Variants in STK39 observed in about 807,000 individuals in gnomAD.
STK39 encodes the protein serine/threonine kinase 39.
In STK39, 20 loss-of-function variants were observed where a neutral mutation model predicts 77.8. The ratio of observed to expected loss-of-function variants is 0.26; its 90% CI spans 0.18 to 0.37. The LOEUF (loss-of-function observed/expected upper bound fraction) is 0.37, where lower values mean the gene tolerates loss of function less well. STK39 is among the 10% of genes least tolerant of loss of function. STK39 has a pLI of 1.00. For synonymous variants in STK39, 246 were observed against 234.1 expected, an observed-to-expected ratio of 1.05 and a Z score of -0.47; for missense variants, 479 against 656.5, an observed-to-expected ratio of 0.73 and a Z score of 2.95.
At chr2:168,207,299 A>C (rs149774478) in intron 1 of STK39, among the ~76,000 whole-genome samples, 8 of 152,300 alleles carry the variant, frequency 5.3e-5, no homozygotes, top group Non-Finnish European at 7.3e-5. Flanking sequence ...ACATACACAC[A>C]CCCTAACGAG....
At chr2:168,091,306 C>T (rs1286174208) in intron 10 of STK39, among the ~76,000 whole-genome samples, 1 of 152,168 alleles carries the variant, frequency 6.6e-6, no homozygotes, top group South Asian at 2.1e-4. Flanking sequence ...CAGAAACATG[C>T]CTCACATTTA....
chr2:168,116,202 C>T (rs1013415705), intron 10 of STK39, among the ~76,000 whole-genome samples: 2 of 152,180 alleles, frequency 1.3e-5, no homozygotes, highest in South Asian at 2.1e-4. Flanking sequence ...AAGCCCACCC[C>T]TCACCCAAAA....
At chr2:168,196,549 G>A (rs1035647356) in intron 1 of STK39, among the ~76,000 whole-genome samples, 8 of 151,944 alleles carry the variant, frequency 5.3e-5, no homozygotes, top group Admixed American at 3.9e-4. Flanking sequence ...CCAGCTACTC[G>A]GGAGGCTGAG....
At chr2:168,089,252 A>G (rs1324044152) in intron 10 of STK39, among the ~76,000 whole-genome samples, 1 of 152,242 alleles carries the variant, frequency 6.6e-6, no homozygotes, top group Non-Finnish European at 1.5e-5. Flanking sequence ...TGGAAAAGCA[A>G]CATTCTCCCT....
chr2:168,089,366 T>C (rs1307958522), intron 10 of STK39, among the ~76,000 whole-genome samples: 1 of 152,210 alleles, frequency 6.6e-6, no homozygotes, highest in Non-Finnish European at 1.5e-5. Context: ...ACATACTTCT[T>C]TTAAAAAACA....
intron 10 of STK39, among the ~76,000 whole-genome samples, chr2:168,095,627 T>C (rs1372960617): frequency 6.8e-6 from 1 of 146,640 alleles, no homozygotes; most frequent in African/African-American, 2.5e-5. Context: ...CTCTTTCTTT[T>C]TTTTTTTTTT....
intron 10 of STK39, among the ~76,000 whole-genome samples, chr2:168,119,910 A>C (rs1687360871): frequency 6.6e-6 from 1 of 152,192 alleles, no homozygotes; most frequent in South Asian, 2.1e-4. Context: ...AAATGGTAAC[A>C]AACTGGGATA....
rs188148826 is a variant in STK39, at chr2:168,105,045, C to T, written c.1089+24496G>A. On this transcript the variant is annotated intron_variant, in intron 10 of 17. Transcript: ENST00000355999. ...AGACAAAGAACTGCACAGTACATTA[C>T]CTTTTGGAGTTAAAATGAATAAATA... 1.1e-3 allele frequency among the ~76,000 whole-genome samples: 165 copies of T among 152,264 alleles called. 1 individual carries two copies. Among genetic ancestry groups the T allele is most frequent in the African/African-American group, 3.7e-3 (152 of 41,552 alleles).
chr2:168,092,222 C>T (rs2105435633), intron 10 of STK39, among the ~76,000 whole-genome samples: 1 of 152,318 alleles, frequency 6.6e-6, no homozygotes, highest in South Asian at 2.1e-4. Flanking sequence ...AGGGATCAGA[C>T]ACCTGTTCCT....
intron 10 of STK39, among the ~76,000 whole-genome samples, chr2:168,112,223 C>T (rs1232004952): frequency 5.9e-5 from 9 of 152,156 alleles, no homozygotes; most frequent in Non-Finnish European, 1.3e-4. Context: ...CTCCTCTCTA[C>T]TCCAAGAGGA....
intron 2 of STK39, among the ~76,000 whole-genome samples, chr2:168,174,620 C>T (rs1179283252): frequency 6.6e-6 from 1 of 152,008 alleles, no homozygotes; most frequent in African/African-American, 2.4e-5. Context: ...ATCAGACTCA[C>T]ACTCAGGTAT....
chr2:167,956,573 A>G (rs1691771795), intron 17 of STK39, among the ~76,000 whole-genome samples: 1 of 151,112 alleles, frequency 6.6e-6, no homozygotes, highest in Non-Finnish European at 1.5e-5. Flanking sequence ...AGAAAAAAAA[A>G]AAAAAGGAAG....
chr2:168,014,042 C>G (rs1439657024), intron 15 of STK39, among the ~76,000 whole-genome samples: 1 of 152,084 alleles, frequency 6.6e-6, no homozygotes, highest in Non-Finnish European at 1.5e-5. Context: ...GGTATTCTGC[C>G]ATTTTACTGA....
chr2:168,067,361 G>A (rs1036632488), intron 12 of STK39, among the ~76,000 whole-genome samples: 9 of 152,114 alleles, frequency 5.9e-5, no homozygotes, highest in African/African-American at 1.4e-4. Flanking sequence ...GAGTTCACAC[G>A]AGATTTGGTC....
At chr2:168,030,100 G>A (rs987630095) in intron 14 of STK39, among the ~76,000 whole-genome samples, 3 of 152,148 alleles carry the variant, frequency 2.0e-5, no homozygotes, top group Admixed American at 6.5e-5. Context: ...AATTAGCCAG[G>A]TGTGGTGGCG....
intron 16 of STK39, among the ~76,000 whole-genome samples, chr2:167,967,024 C>T (rs1049758796): frequency 1.3e-5 from 2 of 152,192 alleles, no homozygotes; most frequent in Admixed American, 6.5e-5. Flanking sequence ...AATAAAAACG[C>T]TCCTTACCTG....
chr2:167,976,451 T>C (rs1000959769), intron 16 of STK39, among the ~76,000 whole-genome samples: 3 of 152,126 alleles, frequency 2.0e-5, no homozygotes, highest in African/African-American at 7.2e-5. Context: ...TCTCAAAAGC[T>C]CAACCACCTT....
chr2:168,111,926 A>G (rs1464820583), intron 10 of STK39, among the ~76,000 whole-genome samples: 1 of 151,942 alleles, frequency 6.6e-6, no homozygotes. Flanking sequence ...ATCTGGCCCA[A>G]CCTCCCAGTA....
At chr2:167,965,292 C>G (rs1692124720) in intron 16 of STK39, among the ~76,000 whole-genome samples, 1 of 152,196 alleles carries the variant, frequency 6.6e-6, no homozygotes, top group Admixed American at 6.5e-5. Flanking sequence ...GCTTTCAGAG[C>G]ACAGTGATCT....
Sources: gnomAD v4.1 joint callset for allele counts (sites outside exome capture counted in the v4.1 genomes callset) on GRCh38, gnomAD v4.1.1 for gene constraint, MANE v1.5 for transcripts, NCBI Gene and HGNC (gene_info 2026-07-23, HGNC 2026-07-21) for gene names.